Variants in MS4A4E observed in about 807,000 individuals in gnomAD.
MS4A4E encodes putative membrane-spanning 4-domains subfamily A member 4E.
A neutral mutation model predicts 13.3 loss-of-function variants in MS4A4E; 23 were observed. That is an observed-to-expected ratio of 1.73 (90% CI 1.25 to 2.45). The LOEUF (loss-of-function observed/expected upper bound fraction) is 2.45. MS4A4E is among the 30% of genes most tolerant of loss of function. The pLI is 0.00. For missense variants in MS4A4E, 144 were observed against 131.2 expected (o/e 1.10, Z -0.48); for synonymous variants, 36 against 45.6 (o/e 0.79, Z 0.85).
At chr11:60,223,573 AG>A (rs1285493629) in intron 3 of MS4A4E, among the ~76,000 whole-genome samples, 1 of 152,146 alleles carries the variant, frequency 6.6e-6, no homozygotes. Context: ...GTGACTATGA[AG>A]GGGTTGCCAA....
chr11:60,217,547 T>C (rs1328971675), intron 3 of MS4A4E, among the ~76,000 whole-genome samples: 1 of 152,160 alleles, frequency 6.6e-6, no homozygotes, highest in Non-Finnish European at 1.5e-5. Context: ...CAGTGATGTG[T>C]TGTGGGAAGT....
At chr11:60,216,193 C>T (rs1297698404) in intron 3 of MS4A4E, among the ~76,000 whole-genome samples, 1 of 152,168 alleles carries the variant, frequency 6.6e-6, no homozygotes, top group Non-Finnish European at 1.5e-5. Context: ...ATTTACCAAT[C>T]TAGTTCAATG....
chr11:60,214,800 C>T (rs1186181721), intron 3 of MS4A4E, among the ~76,000 whole-genome samples, 186 bp from the exon 4 acceptor site: 1 of 152,050 alleles, frequency 6.6e-6, no homozygotes, highest in Admixed American at 6.6e-5. Flanking sequence ...AAAAATTCTG[C>T]CAGATGAGTC....
chr11:60,204,609 A>G (rs1276628507), intron 8 of MS4A4E, among the ~76,000 whole-genome samples: 2 of 152,252 alleles, frequency 1.3e-5, no homozygotes, highest in Admixed American at 6.5e-5. Context: ...ATCAGCAGCC[A>G]TCATGCTACT....
chr11:60,202,307 C>T (rs1308343456), intron 8 of MS4A4E, among the ~76,000 whole-genome samples: 1 of 152,224 alleles, frequency 6.6e-6, no homozygotes, highest in African/African-American at 2.4e-5. Context: ...ATTTCCACAA[C>T]AAACCTATCC....
chr11:60,226,563 G>C (rs2084347496), intron 3 of MS4A4E, among the ~76,000 whole-genome samples: 1 of 152,126 alleles, frequency 6.6e-6, no homozygotes, highest in Non-Finnish European at 1.5e-5. Context: ...ACAGATGCAG[G>C]AAAAATATTG....
chr11:60,233,350 C>A (rs909756756), intron 1 of MS4A4E, among the ~76,000 whole-genome samples: 2 of 152,206 alleles, frequency 1.3e-5, no homozygotes. Flanking sequence ...GCCTCCAAAG[C>A]ACCCCTCTTT....
At chr11:60,234,612 T>C (rs1468482258) in intron 1 of MS4A4E, among the ~76,000 whole-genome samples, 7 of 152,148 alleles carry the variant, frequency 4.6e-5, no homozygotes, top group Non-Finnish European at 1.0e-4. Flanking sequence ...CAGAGGTTTA[T>C]GTCATACATG....
intron 3 of MS4A4E, among the ~76,000 whole-genome samples, chr11:60,226,692 G>A (rs2084348909): frequency 1.3e-5 from 2 of 152,148 alleles, no homozygotes; most frequent in Admixed American, 1.3e-4. Context: ...CATACTTAAT[G>A]GAGAAATTCA....
At chr11:60,217,247 G>T (rs568045779) in intron 3 of MS4A4E, among the ~76,000 whole-genome samples, 1 of 152,108 alleles carries the variant, frequency 6.6e-6, no homozygotes, top group Non-Finnish European at 1.5e-5. Flanking sequence ...TTTATCATGC[G>T]ATTTGCTGAC....
At chr11:60,229,733 G>A (rs1472437702) in intron 2 of MS4A4E, among the ~76,000 whole-genome samples, 179 bp downstream of exon 2, 2 of 152,124 alleles carry the variant, frequency 1.3e-5, no homozygotes, top group African/African-American at 4.8e-5. Flanking sequence ...TAATTTGGAA[G>A]CAGGATGTGA....
At chr11:60,241,061 T>C (rs935568567) in intron 1 of MS4A4E, among the ~76,000 whole-genome samples, 1 of 152,244 alleles carries the variant, frequency 6.6e-6, no homozygotes, top group African/African-American at 2.4e-5. Flanking sequence ...TCTCGCTCTG[T>C]TGCCCAGGCT....
chr11:60,208,520 A>G (rs979467069), intron 6 of MS4A4E, 73 bp downstream of exon 6: 23 of 545,226 alleles, frequency 4.2e-5, no homozygotes, highest in South Asian at 3.9e-4. Flanking sequence ...TGTTAAGACT[A>G]TAAGTTTGTT....
chr11:60,223,048 AG>A, intron 3 of MS4A4E, among the ~76,000 whole-genome samples: 1 of 151,856 alleles, frequency 6.6e-6, no homozygotes, highest in Non-Finnish European at 1.5e-5. Flanking sequence ...TCACTCCACC[AG>A]GAAAAAAAAA....
At chr11:60,230,158 C>T (rs2084390667) in intron 1 of MS4A4E, 87 bp from the exon 2 acceptor site, 1 of 1,401,302 alleles carries the variant, frequency 7.1e-7, no homozygotes, top group Non-Finnish European at 9.5e-7. Context: ...TCCCTAAGGA[C>T]AAAACCTGGT....
intron 6 of MS4A4E, among the ~76,000 whole-genome samples, chr11:60,208,165 C>T (rs1325772958): frequency 2.0e-5 from 3 of 152,158 alleles, no homozygotes; most frequent in Non-Finnish European, 4.4e-5. Context: ...AGATGGGATA[C>T]AAGTCCCGTA....
intron 3 of MS4A4E, among the ~76,000 whole-genome samples, chr11:60,226,479 G>C (rs813564): frequency 6.6e-6 from 1 of 152,126 alleles, no homozygotes; most frequent in Non-Finnish European, 1.5e-5. Context: ...AGGCTGACTA[G>C]ACATTCAAAA....
chr11:60,208,884 A>G (rs1471511897), intron 5 of MS4A4E, among the ~76,000 whole-genome samples, 190 bp from the exon 6 acceptor site: 1 of 152,250 alleles, frequency 6.6e-6, no homozygotes, highest in Non-Finnish European at 1.5e-5. Context: ...CACTAATAAA[A>G]TAATCACAGA....
At position 60,200,863 on chromosome 11, in the gene MS4A4E, G is replaced by C. The variant is rs1343483369; in HGVS notation, c.*680C>G. ...AGGGGCTCCTCACTTCCCAGTAGGGGCGGCTGGGCAGAGGCACCCCTCACC... is the reference window on the plus strand; with the variant it reads ...AGGGGCTCCTCACTTCCCAGTAGGGCCGGCTGGGCAGAGGCACCCCTCACC... On this transcript the variant is annotated 3_prime_UTR_variant, in exon 9 of 9. Coordinates refer to ENST00000651255, the MANE Select transcript of MS4A4E (RefSeq NM_001393391.1). Among the ~76,000 whole-genome samples, 1 of 150,362 alleles carries C rather than the reference G, an allele frequency of 6.7e-6. No homozygotes were observed. Among genetic ancestry groups the C allele is most frequent in the Non-Finnish European group, 1.5e-5 (1 of 67,938 alleles).
Sources: allele counts gnomAD v4.1 joint callset (sites outside exome capture counted in the v4.1 genomes callset), GRCh38; gene constraint gnomAD v4.1.1; transcripts MANE v1.5; gene names NCBI Gene and HGNC (gene_info 2026-07-23, HGNC 2026-07-21).